The following BCO1 variants were observed in gnomAD, a reference collection of about 807,000 sequenced individuals.
BCO1 encodes the protein beta,beta-carotene 15,15'-dioxygenase.
BCO1 carries 54 observed loss-of-function variants against 56.3 expected under a neutral mutation model. The observed-to-expected ratio is 0.96, with a 90% CI of 0.77 to 1.20. BCO1 has a LOEUF of 1.20. BCO1 is among the 50% of genes most tolerant of loss of function. BCO1 has a pLI of 0.00. For missense variants in BCO1, 801 were observed against 690.9 expected (o/e 1.16, Z -1.79); for synonymous variants, 318 against 266.1 (o/e 1.20, Z -1.90).
At chr16:81,273,479 C>A (rs992848048) in intron 7 of BCO1, among the ~76,000 whole-genome samples, 16 of 152,142 alleles carry the variant, frequency 1.1e-4, no homozygotes, top group Non-Finnish European at 1.6e-4. Context: ...ACCCTCCCAG[C>A]CAGCGGGCAG....
rs1176582576 is a variant in BCO1, at chr16:81,245,849, CTTTTTT to C, written c.193+267_193+272del. 0.34 allele frequency among the ~76,000 whole-genome samples: 31,639 copies of C among 92,838 alleles called. 4,982 individuals carry two copies. The highest frequency in any genetic ancestry group is 0.42 in the East Asian group (1,138 of 2,720). 60.9% of individuals were successfully genotyped at this position (92,838 alleles called of 152,430 possible). On this transcript the variant is annotated intron_variant, in intron 2 of 10. Coordinates refer to ENST00000258168, the MANE Select transcript of BCO1 (RefSeq NM_017429.3). Reference sequence around the variant, plus strand: ...CCTTGACTTGTGGCTCCATCTCTGTCTTTTTTTTTTTTTTTTTTTTTTTTTTCTCTG... The same window carrying C: ...CCTTGACTTGTGGCTCCATCTCTGTCTTTTTTTTTTTTTTTTTTTTCTCTG...
At chr16:81,243,070 G>A (rs1905211134) in intron 1 of BCO1, among the ~76,000 whole-genome samples, 4 of 152,144 alleles carry the variant, frequency 2.6e-5, no homozygotes. Context: ...ATGGGTGCCT[G>A]CCAGGGGCTG....
In BCO1 at chr16:81,245,849, C is replaced by CT. The variant is rs1176582576; in HGVS notation, c.193+272dup. Among the ~76,000 whole-genome samples, 29,699 of 93,132 alleles carry CT rather than the reference C, an allele frequency of 0.32. 8,564 individuals carry two copies. Among genetic ancestry groups the CT allele is most frequent in the Non-Finnish European group, 0.45 (22,192 of 49,362 alleles). The allele number at this position is 93,132 out of a possible 152,430, so 61.1% of individuals were successfully genotyped here. A position where few individuals can be genotyped will look rare whatever the true frequency, so the allele number is the denominator to read the frequency against. ...CCTTGACTTGTGGCTCCATCTCTGT[C>CT]TTTTTTTTTTTTTTTTTTTTTTTTT... is the stretch of plus-strand genomic sequence containing the variant. On this transcript the variant is annotated intron_variant, in intron 2 of 10. Coordinates refer to ENST00000258168, the MANE Select transcript of BCO1 (RefSeq NM_017429.3).
intron 3 of BCO1, 77 bp downstream of exon 3, chr16:81,259,882 C>A: frequency 6.4e-7 from 1 of 1,569,592 alleles, no homozygotes. Flanking sequence ...AGCATTTGCT[C>A]CTCTGACAAT....
In BCO1 at chr16:81,259,442, C is replaced by T. The variant is rs554737356; in HGVS notation, c.194-234C>T. On this transcript the variant is annotated intron_variant, in intron 2 of 10. Transcript: ENST00000258168. ...CCAGGAGGCGGAGGTTGCAGTGAGC[C>T]GAGATCGCACCATTATATTCCAGCC... is the stretch of plus-strand genomic sequence containing the variant. Among the ~76,000 whole-genome samples, 8 of 151,978 alleles carry T rather than the reference C, an allele frequency of 5.3e-5. No individual in the cohort carries two copies. The East Asian group carries it at 5.8e-4, about 11-fold the overall frequency.
At chr16:81,264,279 G>A (rs550486545) in intron 4 of BCO1, among the ~76,000 whole-genome samples, 19 of 152,324 alleles carry the variant, frequency 1.2e-4, no homozygotes, top group Middle Eastern at 3.4e-3. Context: ...AGAGCTTTCT[G>A]CAGTGAGGAA....
rs1274043680 is a variant in BCO1 at position 81,290,628 on chromosome 16, G to A, written c.*51G>A. The A allele has an allele frequency of 1.4e-6, 2 of 1,438,904 alleles. No homozygotes were observed. The highest frequency in any genetic ancestry group is 1.4e-5 in the African/African-American group (1 of 71,440). 89.1% of individuals were successfully genotyped at this position (1,438,904 alleles called of 1,614,324 possible). A position where few individuals can be genotyped will look rare whatever the true frequency, so the allele number is the denominator to read the frequency against. Reference sequence around the variant, plus strand: ...GGGAGCTCGGCTGTCAGAACTCCATGGATATGTTTCTTTGGATGGAGGGGA... The same window carrying A: ...GGGAGCTCGGCTGTCAGAACTCCATAGATATGTTTCTTTGGATGGAGGGGA... On this transcript the variant is annotated 3_prime_UTR_variant, in exon 11 of 11. Transcript: ENST00000258168.
chr16:81,246,092 G>C (rs1468628968), intron 2 of BCO1, among the ~76,000 whole-genome samples: 1 of 151,926 alleles, frequency 6.6e-6, no homozygotes, highest in East Asian at 1.9e-4. Flanking sequence ...TGCTCCCAAA[G>C]TGCTGGGATT....
chr16:81,245,325 T>C, intron 1 of BCO1, 150 bp from the exon 2 acceptor site: 2 of 1,241,234 alleles, frequency 1.6e-6, no homozygotes, highest in Non-Finnish European at 2.4e-6. Flanking sequence ...CAACACATTA[T>C]ACACTTTCTG....
intron 8 of BCO1, among the ~76,000 whole-genome samples, chr16:81,281,767 A>C (rs1037156014): frequency 6.6e-6 from 1 of 152,168 alleles, no homozygotes; most frequent in Non-Finnish European, 1.5e-5. Flanking sequence ...GGTGCTGTCC[A>C]GGGAATTGTA....
intron 2 of BCO1, among the ~76,000 whole-genome samples, chr16:81,252,774 C>T (rs1030410501): frequency 2.0e-5 from 3 of 152,158 alleles, no homozygotes; most frequent in South Asian, 2.1e-4. Context: ...GCCTGCCACC[C>T]GGATTTTCTT....
Position 81,290,875 on chromosome 16 carries a change from T to C in BCO1, c.*298T>C, listed in dbSNP as rs1454394549. On this transcript the variant is annotated 3_prime_UTR_variant, in exon 11 of 11. Coordinates refer to ENST00000258168, the MANE Select transcript of BCO1 (RefSeq NM_017429.3). Reference sequence around the variant, plus strand: ...CCTTGACCATGAATCAGAGATTGTATTCAATGACATTATCATCATTTTTAG... The same window carrying C: ...CCTTGACCATGAATCAGAGATTGTACTCAATGACATTATCATCATTTTTAG... 3.2e-6 allele frequency: 1 copy of C among 313,520 alleles called. No homozygotes were observed. Among genetic ancestry groups the C allele is most frequent in the Non-Finnish European group, 5.9e-6 (1 of 169,372 alleles). The allele number at this position is 313,520 out of a possible 1,614,324, so 19.4% of individuals were successfully genotyped here.
chr16:81,277,114 G>A (rs979608165), intron 7 of BCO1, among the ~76,000 whole-genome samples: 9 of 149,574 alleles, frequency 6.0e-5, no homozygotes, highest in African/African-American at 1.7e-4. Flanking sequence ...AATTTAAATC[G>A]CAACATATGG....
At chr16:81,265,636 C>G (rs1474945901) in intron 5 of BCO1, among the ~76,000 whole-genome samples, 1 of 146,796 alleles carries the variant, frequency 6.8e-6, no homozygotes, top group Non-Finnish European at 1.5e-5. Flanking sequence ...ACCATCCATC[C>G]ATTCATCCAT....
At chr16:81,285,943 C>T (rs1056060186) in intron 9 of BCO1, among the ~76,000 whole-genome samples, 1 of 152,102 alleles carries the variant, frequency 6.6e-6, no homozygotes, top group African/African-American at 2.4e-5. Flanking sequence ...AGGGAGATTC[C>T]CAATCCCTGA....
intron 2 of BCO1, among the ~76,000 whole-genome samples, chr16:81,255,918 C>G (rs1906107482): frequency 1.3e-5 from 2 of 151,944 alleles, no homozygotes; most frequent in South Asian, 4.1e-4. Context: ...CTCCGCCTCC[C>G]AGGTTCAAGC....
chr16:81,247,468 A>G (rs144880929), intron 2 of BCO1, among the ~76,000 whole-genome samples: 2 of 152,114 alleles, frequency 1.3e-5, no homozygotes, highest in African/African-American at 4.8e-5. Flanking sequence ...TTCCAGACCA[A>G]TCTGTGCAAC....
At chr16:81,268,162 G>A (rs371118842) in intron 6 of BCO1, 31 bp downstream of exon 6, 5 of 1,585,496 alleles carry the variant, frequency 3.2e-6, no homozygotes, top group South Asian at 1.1e-5. Flanking sequence ...AGCCCAGTGG[G>A]TGCTGGCTGA....
At position 81,258,930 on chromosome 16, in the gene BCO1, A is replaced by G. The variant is rs181564541; in HGVS notation, c.194-746A>G. 1.4e-4 allele frequency among the ~76,000 whole-genome samples: 22 copies of G among 152,234 alleles called. No individual in the cohort carries two copies. In the East Asian group the frequency reaches 3.9e-3, roughly 27 times the overall value. ...GGCAAAGGGGGAGCAGGCATGTCAC[A>G]TGGTGAAAGAGAGAGAGAGAGAGGA... On this transcript the variant is annotated intron_variant, in intron 2 of 10. Transcript: ENST00000258168.
Sources: gnomAD v4.1 joint callset for allele counts (sites outside exome capture counted in the v4.1 genomes callset) on GRCh38, gnomAD v4.1.1 for gene constraint, MANE v1.5 for transcripts, NCBI Gene and HGNC (gene_info 2026-07-23, HGNC 2026-07-21) for gene names.